Variants in KCNMA1 observed in about 807,000 individuals in gnomAD.
KCNMA1 encodes the protein Calcium-activated potassium channel subunit alpha-1.
In KCNMA1, 29 loss-of-function variants were observed where a neutral mutation model predicts 140.0. The observed-to-expected ratio is 0.21, with a 90% CI of 0.15 to 0.28. KCNMA1 has a LOEUF of 0.28. KCNMA1 is among the 10% of genes least tolerant of loss of function. The probability of loss-of-function intolerance (pLI) is 1.00; values close to 1 mark genes in which losing one functional copy is unlikely to be tolerated. For missense variants in KCNMA1, 880 were observed against 1,602.2 expected (o/e 0.55, Z 7.70); for synonymous variants, 612 against 611.9 (o/e 1.00, Z 0.00).
At chr10:77,115,963 C>A (rs1401682231) in intron 6 of KCNMA1, among the ~76,000 whole-genome samples, 3 of 152,248 alleles carry the variant, frequency 2.0e-5, no homozygotes, top group African/African-American at 7.2e-5. Flanking sequence ...TTAAGTAGGG[C>A]TCCTTGGGAA....
At chr10:77,633,155 A>G in intron 1 of KCNMA1, among the ~76,000 whole-genome samples, 1 of 152,196 alleles carries the variant, frequency 6.6e-6, no homozygotes, top group Non-Finnish European at 1.5e-5. Flanking sequence ...TCTCTACTTA[A>G]AATACAAAAA....
intron 5 of KCNMA1, among the ~76,000 whole-genome samples, chr10:77,156,016 A>T (rs2154068170): frequency 6.6e-6 from 1 of 152,190 alleles, no homozygotes; most frequent in African/African-American, 2.4e-5. Flanking sequence ...TCACGAGGTT[A>T]GGAGATCGAG....
chr10:77,265,061 T>A (rs1460842813), intron 2 of KCNMA1, among the ~76,000 whole-genome samples: 1 of 152,152 alleles, frequency 6.6e-6, no homozygotes, highest in Non-Finnish European at 1.5e-5. Context: ...ACTCTTTTTT[T>A]TTTTTCCTGA....
At chr10:77,561,467 A>C (rs2154558921) in intron 1 of KCNMA1, among the ~76,000 whole-genome samples, 1 of 152,326 alleles carries the variant, frequency 6.6e-6, no homozygotes, top group Admixed American at 6.5e-5. Flanking sequence ...ATAGATACTA[A>C]GTGGTGGGGC....
At chr10:77,012,905 G>A (rs2091174070) in intron 17 of KCNMA1, among the ~76,000 whole-genome samples, 1 of 152,166 alleles carries the variant, frequency 6.6e-6, no homozygotes, top group Non-Finnish European at 1.5e-5. Context: ...GATCATTCAA[G>A]CACTATTTGA....
chr10:77,508,235 G>A (rs1242899083), intron 1 of KCNMA1, among the ~76,000 whole-genome samples: 3 of 152,052 alleles, frequency 2.0e-5, no homozygotes, highest in African/African-American at 7.2e-5. Context: ...CAATGCAGTG[G>A]CACGATCTCA....
intron 1 of KCNMA1, among the ~76,000 whole-genome samples, chr10:77,477,280 T>C (rs866188519): frequency 6.6e-6 from 1 of 152,226 alleles, no homozygotes; most frequent in Non-Finnish European, 1.5e-5. Flanking sequence ...CTGATAGGAA[T>C]AAGAATTCTA....
intron 1 of KCNMA1, among the ~76,000 whole-genome samples, chr10:77,595,253 C>T (rs182349625): frequency 4.8e-5 from 7 of 145,478 alleles, no homozygotes; most frequent in African/African-American, 1.3e-4. Flanking sequence ...AGACTGCGGC[C>T]AGAGAATCAC....
intron 1 of KCNMA1, among the ~76,000 whole-genome samples, chr10:77,598,566 T>G (rs2081613832): frequency 6.6e-6 from 1 of 152,218 alleles, no homozygotes; most frequent in Non-Finnish European, 1.5e-5. Context: ...ATATTATGAT[T>G]CCACCAGTTG....
At chr10:76,899,863 G>T (rs2044316819) in intron 25 of KCNMA1, among the ~76,000 whole-genome samples, 1 of 152,018 alleles carries the variant, frequency 6.6e-6, no homozygotes, top group Non-Finnish European at 1.5e-5. Context: ...TAATGGCATG[G>T]TAATAATTAT....
chr10:77,507,239 C>A (rs935967843), intron 1 of KCNMA1, among the ~76,000 whole-genome samples: 1 of 152,160 alleles, frequency 6.6e-6, no homozygotes, highest in Non-Finnish European at 1.5e-5. Flanking sequence ...ACTCTTGCAA[C>A]TTCGTTTGGC....
chr10:76,985,864 A>G (rs2081123517), intron 19 of KCNMA1, among the ~76,000 whole-genome samples: 1 of 152,226 alleles, frequency 6.6e-6, no homozygotes, highest in Non-Finnish European at 1.5e-5. Flanking sequence ...TGTGAAATCT[A>G]GTGGTGATAA....
At chr10:77,367,031 C>T (rs2094407295) in intron 2 of KCNMA1, among the ~76,000 whole-genome samples, 1 of 152,158 alleles carries the variant, frequency 6.6e-6, no homozygotes, top group African/African-American at 2.4e-5. Context: ...GGGAGAGAAA[C>T]ATCTGAAAAG....
At chr10:77,127,026 GAA>G (rs1490499167) in intron 5 of KCNMA1, among the ~76,000 whole-genome samples, 1 of 150,970 alleles carries the variant, frequency 6.6e-6, no homozygotes, top group African/African-American at 2.4e-5. Context: ...ACACGCCACA[GAA>G]AAGTCATCAA....
At chr10:76,998,062 C>T (rs1456774284) in intron 19 of KCNMA1, among the ~76,000 whole-genome samples, 1 of 152,138 alleles carries the variant, frequency 6.6e-6, no homozygotes, top group Admixed American at 6.5e-5. Flanking sequence ...ACAGTCTGGC[C>T]TTCCATCTCC....
intron 14 of KCNMA1, among the ~76,000 whole-genome samples, chr10:77,055,073 A>C (rs1047309673): frequency 6.6e-6 from 1 of 152,214 alleles, no homozygotes; most frequent in Non-Finnish European, 1.5e-5. Context: ...CTGGCTGTAC[A>C]GGGCAAACAT....
chr10:77,598,037 T>C (rs530456737), intron 1 of KCNMA1, among the ~76,000 whole-genome samples: 10 of 152,206 alleles, frequency 6.6e-5, no homozygotes, highest in Non-Finnish European at 1.3e-4. Context: ...AGTGGCGCGA[T>C]CTCGGTTCAC....
At chr10:77,417,553 G>A (rs944477277) in intron 1 of KCNMA1, among the ~76,000 whole-genome samples, 1 of 152,216 alleles carries the variant, frequency 6.6e-6, no homozygotes. Context: ...AATCCCAAAT[G>A]AGATCAGATG....
rs1298475138 is a variant in KCNMA1, at chr10:76,886,900, T to A, written c.*366A>T. 8.9e-7 allele frequency: 1 copy of A among 1,129,196 alleles called. No homozygotes were observed. Among genetic ancestry groups the A allele is most frequent in the Non-Finnish European group, 1.1e-6 (1 of 914,476 alleles). 69.9% of individuals were successfully genotyped at this position (1,129,196 alleles called of 1,614,324 possible). On this transcript the variant is annotated 3_prime_UTR_variant, in exon 28 of 28. Coordinates refer to ENST00000286628, the MANE Select transcript of KCNMA1 (RefSeq NM_001161352.2). ...CCCTGATAATCCTGATAAATCAGAATCAACTTTTCTTTTACATTAAATAAA... is the reference window on the plus strand; with the variant it reads ...CCCTGATAATCCTGATAAATCAGAAACAACTTTTCTTTTACATTAAATAAA...
Sources: gnomAD v4.1 joint callset for allele counts (sites outside exome capture counted in the v4.1 genomes callset) on GRCh38, gnomAD v4.1.1 for gene constraint, MANE v1.5 for transcripts, NCBI Gene and HGNC (gene_info 2026-07-23, HGNC 2026-07-21) for gene names.